The following PCDH11X variants were observed in gnomAD, a reference collection of about 807,000 sequenced individuals.
PCDH11X encodes the protein protocadherin-11 X-linked.
In PCDH11X, 18 loss-of-function variants were observed where a neutral mutation model predicts 53.3. The ratio of observed to expected loss-of-function variants is 0.34; its 90% CI spans 0.23 to 0.50. PCDH11X has a LOEUF of 0.50. Among genes scored for constraint, PCDH11X ranks in the 20% least tolerant of loss-of-function variants. The pLI is 0.98. For missense variants in PCDH11X, 570 were observed against 1,032.4 expected, an observed-to-expected ratio of 0.55 and a Z score of 6.14; for synonymous variants, 279 against 393.3, an observed-to-expected ratio of 0.71 and a Z score of 3.44.
chrX:92,183,339 C>T (rs886081156), intron 6 of PCDH11X, among the ~76,000 whole-genome samples: 81 of 102,884 alleles, frequency 7.9e-4, no homozygotes, highest in African/African-American at 2.7e-3. Context: ...TCACTGCAAC[C>T]TTCACCTCCC....
chrX:92,357,069 G>A (rs905010973), intron 8 of PCDH11X, among the ~76,000 whole-genome samples: 6 of 110,625 alleles, frequency 5.4e-5, no homozygotes, highest in Admixed American at 3.8e-4. Flanking sequence ...TCTCAATGGC[G>A]AGTGGAATGG....
intron 8 of PCDH11X, among the ~76,000 whole-genome samples, chrX:92,275,472 G>C (rs889946392): frequency 9.0e-6 from 1 of 111,379 alleles, no homozygotes; most frequent in African/African-American, 3.3e-5. Context: ...TGAGCCTAAT[G>C]GGTGTCAGGG....
chrX:92,271,517 C>T (rs772675751), intron 8 of PCDH11X, among the ~76,000 whole-genome samples: 117 of 111,788 alleles, frequency 1.0e-3, no homozygotes, highest in Non-Finnish European at 2.1e-3. Flanking sequence ...GTTTAAGTAC[C>T]CCCAAGAGAA....
intron 6 of PCDH11X, among the ~76,000 whole-genome samples, chrX:91,886,911 C>A (rs1189937912): frequency 2.0e-5 from 2 of 99,477 alleles, no homozygotes; most frequent in African/African-American, 3.8e-5. Flanking sequence ...GCGGAGCTTG[C>A]AGTGAGCCAA....
intron 4 of PCDH11X, among the ~76,000 whole-genome samples, chrX:91,823,299 G>C (rs1936769988): frequency 9.0e-6 from 1 of 110,737 alleles, no homozygotes; most frequent in Admixed American, 9.6e-5. Context: ...TTATTAATGT[G>C]TCGGAGTCTA....
chrX:92,392,881 T>C (rs762841740), intron 9 of PCDH11X, among the ~76,000 whole-genome samples: 1,471 of 107,192 alleles, frequency 0.014, 26 homozygotes, highest in African/African-American at 0.047. Flanking sequence ...AAGGAGAAAA[T>C]ATGATTCAAT....
At chrX:91,962,742 G>A (rs1455063499) in intron 6 of PCDH11X, among the ~76,000 whole-genome samples, 1 of 110,921 alleles carries the variant, frequency 9.0e-6, no homozygotes, top group African/African-American at 3.3e-5. Flanking sequence ...CAACACACCT[G>A]TGCCTGGATA....
At chrX:92,163,227 G>A (rs2065673034) in intron 6 of PCDH11X, among the ~76,000 whole-genome samples, 1 of 110,288 alleles carries the variant, frequency 9.1e-6, no homozygotes, top group African/African-American at 3.3e-5. Flanking sequence ...AGGCAGTGGG[G>A]ACGCAGGGCT....
chrX:92,387,220 A>G (rs1191455229), intron 8 of PCDH11X, among the ~76,000 whole-genome samples: 2 of 111,173 alleles, frequency 1.8e-5, no homozygotes, highest in Non-Finnish European at 3.8e-5. Flanking sequence ...CCAATTCAAA[A>G]TTTTGTCCCT....
chrX:92,158,776 C>T (rs1213033505), intron 6 of PCDH11X, among the ~76,000 whole-genome samples: 1 of 110,194 alleles, frequency 9.1e-6, no homozygotes, highest in Non-Finnish European at 1.9e-5. Context: ...GCTGAGGTTA[C>T]AGGCACGCGC....
intron 5 of PCDH11X, among the ~76,000 whole-genome samples, chrX:91,867,527 A>C (rs1302864578): frequency 9.3e-6 from 1 of 107,839 alleles, no homozygotes; most frequent in East Asian, 2.9e-4. Context: ...CTATTAGGAC[A>C]AATGGCAATG....
chrX:92,337,128 G>A (rs2069639919), intron 8 of PCDH11X, among the ~76,000 whole-genome samples: 1 of 109,034 alleles, frequency 9.2e-6, no homozygotes. Flanking sequence ...AGTTACTGGA[G>A]ATAGCCGGAA....
chrX:92,277,773 A>G (rs970507150), intron 8 of PCDH11X, among the ~76,000 whole-genome samples: 11 of 110,695 alleles, frequency 9.9e-5, no homozygotes, highest in Admixed American at 2.9e-4. Flanking sequence ...CCCCTCTAGA[A>G]AAGTGGGACT....
At chrX:91,852,114 A>C (rs1488102018) in intron 5 of PCDH11X, among the ~76,000 whole-genome samples, 1 of 102,479 alleles carries the variant, frequency 9.8e-6, no homozygotes, top group African/African-American at 3.6e-5. Flanking sequence ...CCCGGGTTCA[A>C]GCAATTCTCC....
At chrX:91,911,720 A>C (rs2147803236) in intron 6 of PCDH11X, among the ~76,000 whole-genome samples, 1 of 110,636 alleles carries the variant, frequency 9.0e-6, no homozygotes, top group African/African-American at 3.3e-5. Context: ...GAACATGTGA[A>C]GTTTGTCTTT....
At chrX:92,215,799 A>AC (rs890312529) in intron 7 of PCDH11X, among the ~76,000 whole-genome samples, 1 of 105,742 alleles carries the variant, frequency 9.5e-6, no homozygotes, top group African/African-American at 3.4e-5. Context: ...ACTGGGAGGC[A>AC]CCCCCCAGTA....
chrX:92,609,846 G>C (rs951676851), intron 10 of PCDH11X, among the ~76,000 whole-genome samples: 2 of 111,220 alleles, frequency 1.8e-5, no homozygotes, highest in Admixed American at 1.9e-4. Context: ...GAGAACATGC[G>C]ATATTTGGCT....
In PCDH11X at chrX:91,915,050, A is replaced by C. The variant is rs761333758; in HGVS notation, c.3033+35777A>C. ...CTATCAAATTAACAGCAGACCTCTC[A>C]GCAGAAACCTTACAAGCCAGAGGGG... On this transcript the variant is annotated intron_variant, in intron 6 of 10. Transcript: ENST00000682573. Among the ~76,000 whole-genome samples the C allele has an allele frequency of 2.6e-3, 279 of 107,974 alleles. 3 individuals are homozygous for C. The highest frequency in any genetic ancestry group is 9.1e-3 in the African/African-American group (271 of 29,623). 93.8% of individuals were successfully genotyped at this position (107,974 alleles called of 115,157 possible).
At chrX:92,453,153 A>G (rs1475026729) in intron 9 of PCDH11X, among the ~76,000 whole-genome samples, 3 of 105,235 alleles carry the variant, frequency 2.9e-5, no homozygotes, top group Non-Finnish European at 5.8e-5. Context: ...TTAATTTGGG[A>G]TTATATATTA....
Sources: allele counts gnomAD v4.1 joint callset (sites outside exome capture counted in the v4.1 genomes callset), GRCh38; gene constraint gnomAD v4.1.1; transcripts MANE v1.5; gene names NCBI Gene and HGNC (gene_info 2026-07-23, HGNC 2026-07-21).